Variants in TRHR observed in about 807,000 individuals in gnomAD.
TRHR encodes thyrotropin-releasing hormone receptor.
A neutral mutation model predicts 28.0 loss-of-function variants in TRHR; 14 were observed. That is an observed-to-expected ratio of 0.50 (90% confidence interval 0.33 to 0.78). TRHR has a LOEUF of 0.78. Among genes scored for constraint, TRHR ranks in the 30% least tolerant of loss-of-function variants. TRHR has a pLI of 0.02. For missense variants in TRHR, 438 were observed against 469.5 expected (o/e 0.93, Z 0.62); for synonymous variants, 176 against 171.9 (o/e 1.02, Z -0.18).
In TRHR at chr8:109,087,526, C is replaced by T. The variant is rs367681378; in HGVS notation, c.14C>T (p.Thr5Ile). ...AAGCTTCTAAAGATGGAAAACGAGA[C>T]AGTCAGTGAACTGAACCAAACACAG... is the stretch of plus-strand genomic sequence containing the variant. The part of the protein sequence containing the change: MENE[T>I]VSELNQTQLQ... Residue 5 changes from threonine (T) to isoleucine (I), a missense_variant, in exon 2 of 3, where the codon ACA (threonine) becomes ATA (isoleucine). Physicochemically the swap from Thr to Ile is moderately conservative, Grantham distance 89. Coordinates refer to ENST00000518632, the MANE Select transcript of TRHR (RefSeq NM_003301.7). The T allele has an allele frequency of 1.4e-5, 22 of 1,614,068 alleles. No homozygotes were observed. Among genetic ancestry groups the T allele is most frequent in the East Asian group, 2.2e-5 (1 of 44,898 alleles).
At position 109,087,642 on chromosome 8, in the gene TRHR, A is replaced by T; in HGVS notation, c.130A>T (p.Ile44Phe). The stretch of plus-strand genomic sequence containing the variant: ...TTGTGGCCTGGGCATTGTAGGCAAC[A>T]TCATGGTAGTCCTGGTTGTCATGAG... ...IICGLGIVGN[I>F]MVVLVVMRTK... The change falls in exon 2 of 3, where the codon ATC (isoleucine) becomes TTC (phenylalanine). Residue 44 changes from isoleucine (I) to phenylalanine (F), a missense_variant. By Grantham distance (21) the Ile-to-Phe change is conservative. Coordinates refer to ENST00000518632, the MANE Select transcript of TRHR (RefSeq NM_003301.7). The T allele has an allele frequency of 6.2e-7, 1 of 1,614,086 alleles. No individual in the cohort carries two copies. Among genetic ancestry groups the T allele is most frequent in the Non-Finnish European group, 8.5e-7 (1 of 1,179,954 alleles).
intron 2 of TRHR, among the ~76,000 whole-genome samples, chr8:109,114,896 C>T (rs534037487): frequency 3.0e-4 from 46 of 152,068 alleles, no homozygotes; most frequent in Non-Finnish European, 5.0e-4. Context: ...ACCGTCAAAT[C>T]ATCAAGAACC....
At chr8:109,098,805 C>A (rs936977431) in intron 2 of TRHR, among the ~76,000 whole-genome samples, 1 of 152,186 alleles carries the variant, frequency 6.6e-6, no homozygotes, top group African/African-American at 2.4e-5. Flanking sequence ...CCTCTCAGAG[C>A]AGGCTTTCCT....
chr8:109,103,890 T>C (rs55905091), intron 2 of TRHR, among the ~76,000 whole-genome samples: 3,350 of 152,116 alleles, frequency 0.022, 131 homozygotes, highest in African/African-American at 0.076. Context: ...ATACCAAAAG[T>C]AGAGAAAGCA....
chr8:109,097,451 G>A (rs1435119924), intron 2 of TRHR, among the ~76,000 whole-genome samples: 4 of 151,774 alleles, frequency 2.6e-5, no homozygotes, highest in Admixed American at 2.0e-4. Context: ...AACATGTATT[G>A]AGCACCAATT....
At chr8:109,088,434 C>A in intron 2 of TRHR, 133 bp downstream of exon 2, 2 of 973,256 alleles carry the variant, frequency 2.1e-6, no homozygotes, top group Non-Finnish European at 3.1e-6. Context: ...ACAGTGTAAG[C>A]TTCTGCCTAA....
intron 2 of TRHR, among the ~76,000 whole-genome samples, chr8:109,089,041 G>A (rs1811486312): frequency 6.6e-6 from 1 of 152,162 alleles, no homozygotes; most frequent in Admixed American, 6.6e-5. Flanking sequence ...TCACCTGAAT[G>A]TGCATATAAT....
At chr8:109,109,589 G>GT (rs1408746732) in intron 2 of TRHR, among the ~76,000 whole-genome samples, 1 of 152,036 alleles carries the variant, frequency 6.6e-6, no homozygotes, top group Admixed American at 6.6e-5. Flanking sequence ...TTTTCATCTA[G>GT]TTTTTTCCAT....
Position 109,120,446 on chromosome 8 carries a change from C to T in TRHR, c.*991C>T, listed in dbSNP as rs757161890. Among the ~76,000 whole-genome samples, 1 of 151,658 alleles carries T rather than the reference C, an allele frequency of 6.6e-6. No individual in the cohort carries two copies. Among genetic ancestry groups the T allele is most frequent in the South Asian group, 2.1e-4 (1 of 4,828 alleles). ...AAGCTTTGTTGTTATTCTAAGTCAG[C>T]CAAAATCCTGGTATCCCTCTTCCAG... On this transcript the variant is annotated 3_prime_UTR_variant, in exon 3 of 3. Transcript: ENST00000518632.
chr8:109,109,901 A>G (rs1373064175), intron 2 of TRHR, among the ~76,000 whole-genome samples: 1 of 152,212 alleles, frequency 6.6e-6, no homozygotes, highest in East Asian at 1.9e-4. Context: ...CACTGGAAGT[A>G]CCTTCACACG....
Position 109,119,797 on chromosome 8 carries a change from C to T in TRHR, c.*342C>T, listed in dbSNP as rs768193135. Among the ~76,000 whole-genome samples, 55 of 151,932 alleles carry T rather than the reference C, an allele frequency of 3.6e-4. No homozygotes were observed. Among genetic ancestry groups the T allele is most frequent in the Non-Finnish European group, 7.4e-4 (50 of 67,858 alleles). ...ATCAATTTACATTATTCATAGTAACCTTATCAAATGTCACTTTTCAACTTC... is the reference window on the plus strand; with the variant it reads ...ATCAATTTACATTATTCATAGTAACTTTATCAAATGTCACTTTTCAACTTC... On this transcript the variant is annotated 3_prime_UTR_variant, in exon 3 of 3. Coordinates refer to ENST00000518632, the MANE Select transcript of TRHR (RefSeq NM_003301.7).
intron 2 of TRHR, among the ~76,000 whole-genome samples, chr8:109,115,731 A>G (rs1301499447): frequency 2.6e-5 from 4 of 152,156 alleles, no homozygotes; most frequent in African/African-American, 9.7e-5. Flanking sequence ...TTTTCTAAAT[A>G]TACAATCATG....
chr8:109,115,305 T>A (rs539143244), intron 2 of TRHR, among the ~76,000 whole-genome samples: 4 of 152,288 alleles, frequency 2.6e-5, no homozygotes, highest in African/African-American at 9.6e-5. Flanking sequence ...TGGGCTCTTT[T>A]TTGGTTCCAT....
chr8:109,096,840 G>A (rs1411830446), intron 2 of TRHR, among the ~76,000 whole-genome samples: 1 of 152,056 alleles, frequency 6.6e-6, no homozygotes, highest in Non-Finnish European at 1.5e-5. Context: ...AAATGAAAGT[G>A]TGAAAGAGTT....
intron 2 of TRHR, among the ~76,000 whole-genome samples, chr8:109,109,484 A>C (rs1178011585): frequency 6.6e-6 from 1 of 151,874 alleles, no homozygotes; most frequent in South Asian, 2.1e-4. Flanking sequence ...TATACTAAGC[A>C]CCATGCCTGG....
At chr8:109,103,347 A>G (rs181984654) in intron 2 of TRHR, among the ~76,000 whole-genome samples, 5 of 152,292 alleles carry the variant, frequency 3.3e-5, no homozygotes. Flanking sequence ...AAGCAATTCA[A>G]TTAGCCTTGT....
chr8:109,114,503 T>C (rs1272782032), intron 2 of TRHR, among the ~76,000 whole-genome samples: 1 of 151,972 alleles, frequency 6.6e-6, no homozygotes, highest in Non-Finnish European at 1.5e-5. Flanking sequence ...CTCCACGGAG[T>C]GTGACATCAT....
At position 109,119,569 on chromosome 8, in the gene TRHR, T is replaced by C. The variant is rs769494528; in HGVS notation, c.*114T>C. ...TGAAGACAGAGCAGATCAGTCTTTG[T>C]CAATGCTCTAACAAATTCTGGCCCT... On this transcript the variant is annotated 3_prime_UTR_variant, in exon 3 of 3. Transcript: ENST00000518632. 4.7e-6 allele frequency: 6 copies of C among 1,289,936 alleles called. No individual in the cohort carries two copies. The highest frequency in any genetic ancestry group is 6.5e-6 in the Non-Finnish European group (6 of 926,296). 79.9% of individuals were successfully genotyped at this position (1,289,936 alleles called of 1,614,324 possible).
chr8:109,113,988 C>G (rs79477034), intron 2 of TRHR, among the ~76,000 whole-genome samples: 1 of 152,102 alleles, frequency 6.6e-6, no homozygotes, highest in East Asian at 1.9e-4. Context: ...CTGTCCAATT[C>G]ACATTTATAA....
Sources: allele counts gnomAD v4.1 joint callset (sites outside exome capture counted in the v4.1 genomes callset), GRCh38; gene constraint gnomAD v4.1.1; transcripts MANE v1.5; gene names NCBI Gene and HGNC (gene_info 2026-07-23, HGNC 2026-07-21).